Variants in MYO9A observed in about 807,000 individuals in gnomAD.
MYO9A encodes the protein unconventional myosin-IXa.
A neutral mutation model predicts 293.3 loss-of-function variants in MYO9A; 103 were observed. The ratio of observed to expected loss-of-function variants is 0.35; its 90% CI spans 0.30 to 0.41. The LOEUF (loss-of-function observed/expected upper bound fraction) is 0.41. Ranked by LOEUF, MYO9A falls within the 10% of genes least tolerant of loss-of-function variation. The probability of loss-of-function intolerance (pLI) is 1.00; values close to 1 mark genes in which losing one functional copy is unlikely to be tolerated. For synonymous variants in MYO9A, 1,001 were observed against 1,035.7 expected (o/e 0.97, Z 0.64); for missense variants, 2,685 against 3,033.0 (o/e 0.89, Z 2.69).
At chr15:71,920,897 G>A (rs1426942466) in intron 18 of MYO9A, among the ~76,000 whole-genome samples, 1 of 152,104 alleles carries the variant, frequency 6.6e-6, no homozygotes, top group Non-Finnish European at 1.5e-5. Flanking sequence ...AGCAAAAATC[G>A]TGCCACTGCA....
chr15:71,831,737 A>G (rs759194412), intron 39 of MYO9A, among the ~76,000 whole-genome samples: 5 of 152,214 alleles, frequency 3.3e-5, no homozygotes, highest in Admixed American at 6.5e-5. Context: ...TAGTTTTTCA[A>G]ATACTCTGAC....
intron 39 of MYO9A, among the ~76,000 whole-genome samples, chr15:71,833,492 A>C (rs1434784303): frequency 1.3e-5 from 2 of 151,864 alleles, no homozygotes; most frequent in African/African-American, 2.4e-5. Flanking sequence ...AAATATTGAC[A>C]AAACTATTTT....
In MYO9A at chr15:71,827,001, G is replaced by T. The variant is rs752059019; in HGVS notation, c.7226C>A (p.Ser2409Tyr). The T allele has an allele frequency of 6.2e-7, 1 of 1,609,456 alleles. No individual in the cohort carries two copies. The highest frequency in any genetic ancestry group is 8.5e-7 in the Non-Finnish European group (1 of 1,178,232). The change falls in exon 42 of 42, where the codon TCT becomes TAT. Residue 2409 changes from serine to tyrosine, a missense_variant. Physicochemically the swap from Ser to Tyr is moderately radical, Grantham distance 144. Coordinates refer to ENST00000356056, the MANE Select transcript of MYO9A (RefSeq NM_006901.4). ...ALSSLKTAGK[S>Y]EPSSKLRKQL... ...CTTTCGCAACTTGCTGGAAGGTTCA[G>T]ACTTGCCAGCTGTCTTCAGGGAGCT...
intron 14 of MYO9A, among the ~76,000 whole-genome samples, chr15:71,956,332 T>A (rs112005896): frequency 0.052 from 4,028 of 76,980 alleles, 148 homozygotes; most frequent in East Asian, 0.16. Context: ...AAAAAAAAAA[T>A]ATATATATAT....
At position 71,904,372 on chromosome 15, in the gene MYO9A, A is replaced by G. The variant is rs1026750804; in HGVS notation, c.2767-333T>C. On this transcript the variant is annotated intron_variant, in intron 20 of 41. Coordinates refer to ENST00000356056, the MANE Select transcript of MYO9A (RefSeq NM_006901.4). Reference sequence around the variant, plus strand: ...AAAATCTGTAACAAGATAACCTACAACTGGGTGTAGTGGCTCACGCCTATA... The same window carrying G: ...AAAATCTGTAACAAGATAACCTACAGCTGGGTGTAGTGGCTCACGCCTATA... Among the ~76,000 whole-genome samples the G allele has an allele frequency of 2.6e-5, 4 of 152,274 alleles. 1 individual carries two copies. Among genetic ancestry groups the G allele is most frequent in the South Asian group, 4.1e-4 (2 of 4,820 alleles).
At chr15:71,854,239 G>T in intron 35 of MYO9A, 138 bp downstream of exon 35, 2 of 699,512 alleles carry the variant, frequency 2.9e-6, no homozygotes, top group Non-Finnish European at 4.2e-6. Context: ...GCCAAAAAAT[G>T]ATAACAAAGC....
intron 16 of MYO9A, among the ~76,000 whole-genome samples, chr15:71,936,245 G>A (rs961478511): frequency 6.6e-6 from 1 of 152,096 alleles, no homozygotes; most frequent in South Asian, 2.1e-4. Context: ...GACCCCACTC[G>A]TATGTGGAAT....
rs1567169896 is a variant in MYO9A at position 71,825,995 on chromosome 15, G to GTTTTGTT, written c.*584_*585insAACAAAA. ...ATGGAAACAATCACGGTTTTTTTTT[G>GTTTTGTT]TTTTTTTTTTTTTGTTTTTTTTTTT... On this transcript the variant is annotated 3_prime_UTR_variant, in exon 42 of 42. Coordinates refer to ENST00000356056, the MANE Select transcript of MYO9A (RefSeq NM_006901.4). The GTTTTGTT allele has an allele frequency of 9.8e-5, 9 of 91,520 alleles. No individual in the cohort carries two copies. Among genetic ancestry groups the GTTTTGTT allele is most frequent in the East Asian group, 3.3e-4 (1 of 2,996 alleles). The allele number at this position is 91,520 out of a possible 1,614,324, so 5.7% of individuals were successfully genotyped here.
chr15:71,962,051 G>A (rs1436879832), intron 13 of MYO9A, among the ~76,000 whole-genome samples: 2 of 152,116 alleles, frequency 1.3e-5, no homozygotes, highest in Non-Finnish European at 2.9e-5. Flanking sequence ...AACTGAATAA[G>A]AAGGATTGTA....
rs56277057 is a variant in MYO9A at position 71,910,168 on chromosome 15, G to GTGTATATATATATATATATATATATATA, written c.2686-5163_2686-5162insTATATATATATATATATATATATATACA. On this transcript the variant is annotated intron_variant, in intron 19 of 41. Transcript: ENST00000356056. Reference sequence around the variant, plus strand: ...CGTGTGTGTGTATATATATATACGTGTATATATATATATAAAATCAGAAAC... The same window carrying GTGTATATATATATATATATATATATATA: ...CGTGTGTGTGTATATATATATACGTGTGTATATATATATATATATATATATATATATATATATATATAAAATCAGAAAC... 9.4e-5 allele frequency among the ~76,000 whole-genome samples: 12 copies of GTGTATATATATATATATATATATATATA among 128,316 alleles called. No individual in the cohort carries two copies. The East Asian group carries it at 1.4e-3, about 15-fold the overall frequency. The allele number at this position is 128,316 out of a possible 152,430, so 84.2% of individuals were successfully genotyped here. A position where few individuals can be genotyped will look rare whatever the true frequency, so the allele number is the denominator to read the frequency against.
At chr15:71,940,760 T>C (rs1427688762) in intron 15 of MYO9A, among the ~76,000 whole-genome samples, 1 of 152,088 alleles carries the variant, frequency 6.6e-6, no homozygotes, top group East Asian at 1.9e-4. Flanking sequence ...AATGAGCCAA[T>C]CCTAAAATTA....
chr15:71,879,947 C>G, intron 29 of MYO9A, 110 bp from the exon 30 acceptor site: 2 of 746,328 alleles, frequency 2.7e-6, no homozygotes, highest in East Asian at 5.0e-5. Flanking sequence ...AAAGTGCAAG[C>G]CACAGGCTAT....
intron 19 of MYO9A, 91 bp downstream of exon 19, chr15:71,916,279 C>G: frequency 2.2e-6 from 3 of 1,391,998 alleles, no homozygotes; most frequent in Non-Finnish European, 2.9e-6. Flanking sequence ...AATTAAAATC[C>G]CATTCAAGTA....
intron 1 of MYO9A, among the ~76,000 whole-genome samples, chr15:72,071,397 G>T (rs2079185899): frequency 6.6e-6 from 1 of 152,240 alleles, no homozygotes; most frequent in Non-Finnish European, 1.5e-5. Context: ...AAAAATAAGA[G>T]ATGTTGGCAA....
At chr15:72,086,133 C>G (rs2079716577) in intron 1 of MYO9A, among the ~76,000 whole-genome samples, 1 of 152,158 alleles carries the variant, frequency 6.6e-6, no homozygotes, top group African/African-American at 2.4e-5. Context: ...AGTGGCAGCA[C>G]AGAGGGGTGC....
chr15:71,958,572 T>C (rs1260516460), intron 14 of MYO9A: 1 of 152,182 alleles, frequency 6.6e-6, no homozygotes, highest in African/African-American at 2.4e-5. Flanking sequence ...GGCTGGAATG[T>C]TGTGTTTCTT....
chr15:72,043,397 C>T (rs1203037487), intron 2 of MYO9A, among the ~76,000 whole-genome samples: 1 of 152,072 alleles, frequency 6.6e-6, no homozygotes, highest in Non-Finnish European at 1.5e-5. Context: ...CATATGTCTA[C>T]ATAAACTTGA....
intron 39 of MYO9A, among the ~76,000 whole-genome samples, chr15:71,834,405 AAG>A (rs2054853934): frequency 6.6e-6 from 1 of 152,184 alleles, no homozygotes; most frequent in South Asian, 2.1e-4. Flanking sequence ...AGAATTAAAA[AAG>A]AAACTATTCC....
chr15:71,893,630 G>T, intron 26 of MYO9A, 49 bp downstream of exon 26: 1 of 1,415,008 alleles, frequency 7.1e-7, no homozygotes, highest in Non-Finnish European at 1.0e-6. Flanking sequence ...CCAAAATAAT[G>T]TACATCTCTT....
Sources: allele counts gnomAD v4.1 joint callset (sites outside exome capture counted in the v4.1 genomes callset), GRCh38; gene constraint gnomAD v4.1.1; transcripts MANE v1.5; gene names NCBI Gene and HGNC (gene_info 2026-07-23, HGNC 2026-07-21).